ST3GAL3: variants seen among roughly 807,000 people sequenced by gnomAD.
The protein encoded by ST3GAL3 is ST3 beta-galactoside alpha-2,3-sialyltransferase 3.
In ST3GAL3, 21 loss-of-function variants were observed where a neutral mutation model predicts 50.1. That is an observed-to-expected ratio of 0.42 (90% confidence interval 0.30 to 0.60). ST3GAL3 has a LOEUF of 0.60. Ranked by LOEUF, ST3GAL3 falls within the 20% of genes least tolerant of loss-of-function variation. The pLI, the probability that ST3GAL3 is intolerant of heterozygous loss-of-function variation, is 0.19. For synonymous variants in ST3GAL3, 183 were observed against 190.0 expected, an observed-to-expected ratio of 0.96 and a Z score of 0.30; for missense variants, 353 against 489.4, an observed-to-expected ratio of 0.72 and a Z score of 2.63.
chr1:43,859,372 C>T (rs987093431), intron 5 of ST3GAL3, among the ~76,000 whole-genome samples: 3 of 151,986 alleles, frequency 2.0e-5, no homozygotes, highest in Admixed American at 1.3e-4. Flanking sequence ...CCAGCCTGAC[C>T]GACATGGAGA....
At position 43,711,081 on chromosome 1, in the gene ST3GAL3, G is replaced by C. The variant is rs181248663; in HGVS notation, c.-31+3388G>C. Among the ~76,000 whole-genome samples the C allele has an allele frequency of 3.9e-5, 6 of 152,306 alleles. No homozygotes were observed. In the East Asian group the frequency reaches 1.2e-3, roughly 29 times the overall value. ...ATCATTAAAATCTATAAATAAAGTT[G>C]TTTATGTGAGAGAATCCCTTACTGA... On this transcript the variant is annotated intron_variant, in intron 1 of 11. Coordinates refer to ENST00000347631, the MANE Select transcript of ST3GAL3 (RefSeq NM_006279.5).
intron 4 of ST3GAL3, chr1:43,819,341 C>T (rs2061795994): frequency 6.6e-6 from 1 of 152,174 alleles, no homozygotes; most frequent in Non-Finnish European, 1.5e-5. Context: ...GATCCACCCG[C>T]CTTGGCCTCC....
At chr1:43,860,887 A>G (rs1483616178) in intron 5 of ST3GAL3, among the ~76,000 whole-genome samples, 2 of 152,240 alleles carry the variant, frequency 1.3e-5, no homozygotes, top group Non-Finnish European at 2.9e-5. Flanking sequence ...GGAAGTAGAA[A>G]GCTTTTGAGC....
chr1:43,920,331 G>T, intron 9 of ST3GAL3, 73 bp from the exon 10 acceptor site: 1 of 1,600,758 alleles, frequency 6.2e-7, no homozygotes, highest in Non-Finnish European at 8.6e-7. Flanking sequence ...TCCCTACTTG[G>T]GGTCCCTGCC....
intron 5 of ST3GAL3, among the ~76,000 whole-genome samples, chr1:43,845,296 TTTATTA>T (rs1292056234): frequency 1.3e-5 from 2 of 151,976 alleles, no homozygotes; most frequent in Non-Finnish European, 2.9e-5. Context: ...GAAGTTTTTT[TTTATTA>T]TTATTATTAC....
chr1:43,733,935 C>G (rs1432698110), intron 1 of ST3GAL3, among the ~76,000 whole-genome samples: 1 of 152,140 alleles, frequency 6.6e-6, no homozygotes, highest in African/African-American at 2.4e-5. Flanking sequence ...TGGTGAAACC[C>G]CATCTCTATT....
Position 43,765,798 on chromosome 1 carries a change from C to T in ST3GAL3, c.119-26304C>T, listed in dbSNP as rs554815051. 1.7e-4 allele frequency among the ~76,000 whole-genome samples: 25 copies of T among 144,910 alleles called. No individual in the cohort carries two copies. The East Asian group carries it at 2.7e-3, about 16-fold the overall frequency. On this transcript the variant is annotated intron_variant, in intron 2 of 11. Coordinates refer to ENST00000347631, the MANE Select transcript of ST3GAL3 (RefSeq NM_006279.5). ...GTGTGTGTGTGTGCGCGCGCGCGCG[C>T]GCGTCCGCGCGTCCGCGTGCGCTTT... is the stretch of plus-strand genomic sequence containing the variant.
intron 5 of ST3GAL3, among the ~76,000 whole-genome samples, chr1:43,875,947 CTTCTTATTATTATTATTATTA>C (rs1313196610): frequency 5.8e-4 from 33 of 57,374 alleles, no homozygotes; most frequent in East Asian, 3.1e-3. Flanking sequence ...TCTTCTTCTT[CTTCTTATTATTATTATTATTA>C]TTATTATTAT....
chr1:43,928,248 G>C (rs1172096596), intron 11 of ST3GAL3, among the ~76,000 whole-genome samples: 1 of 152,166 alleles, frequency 6.6e-6, no homozygotes, highest in East Asian at 1.9e-4. Context: ...AAGTAGTTGG[G>C]ACTACAGGCA....
At chr1:43,726,111 T>G (rs1413596250) in intron 1 of ST3GAL3, among the ~76,000 whole-genome samples, 3 of 152,166 alleles carry the variant, frequency 2.0e-5, no homozygotes, top group Non-Finnish European at 2.9e-5. Flanking sequence ...ACTTTTCATT[T>G]TGAAATAACT....
rs144109930 is a variant in ST3GAL3 at position 43,925,027 on chromosome 1, T to C, written c.1038+4099T>C. 3.7e-3 allele frequency among the ~76,000 whole-genome samples: 568 copies of C among 152,270 alleles called. 6 individuals are homozygous for C. Among genetic ancestry groups the C allele is most frequent in the African/African-American group, 0.013 (541 of 41,562 alleles). On this transcript the variant is annotated intron_variant, in intron 11 of 11. Transcript: ENST00000347631. The stretch of plus-strand genomic sequence containing the variant: ...CTTCTTGGCCGGGCACAGTAGCTCA[T>C]GCCTGTAATCCCAGCACTTTGGGAA...
chr1:43,892,235 G>A (rs751675659), intron 5 of ST3GAL3, among the ~76,000 whole-genome samples: 2 of 152,060 alleles, frequency 1.3e-5, no homozygotes, highest in East Asian at 1.9e-4. Context: ...AAGCCACTGC[G>A]CCCAGCCTGA....
intron 11 of ST3GAL3, among the ~76,000 whole-genome samples, chr1:43,929,820 G>A (rs1571719495): frequency 6.6e-6 from 1 of 152,188 alleles, no homozygotes; most frequent in African/African-American, 2.4e-5. Context: ...GAAGTGGCTT[G>A]AAGTCTGTGG....
At chr1:43,815,030 A>G in intron 4 of ST3GAL3, 97 bp downstream of exon 4, 1 of 1,232,746 alleles carries the variant, frequency 8.1e-7, no homozygotes, top group Admixed American at 1.7e-5. Flanking sequence ...TCTTCTGGTG[A>G]CTGGGGGACT....
chr1:43,844,524 A>G (rs888385999), intron 5 of ST3GAL3, among the ~76,000 whole-genome samples: 2 of 152,154 alleles, frequency 1.3e-5, no homozygotes, highest in Non-Finnish European at 2.9e-5. Context: ...TAGACTAACT[A>G]TTGGTGGCCG....
chr1:43,728,834 T>A (rs1313728728), intron 1 of ST3GAL3, among the ~76,000 whole-genome samples: 1 of 152,190 alleles, frequency 6.6e-6, no homozygotes, highest in African/African-American at 2.4e-5. Context: ...AACACACATA[T>A]ATACACATAT....
rs568023915 is a variant in ST3GAL3 at position 43,811,489 on chromosome 1, C to T, written c.167-3402C>T. Among the ~76,000 whole-genome samples, 17 of 130,878 alleles carry T rather than the reference C, an allele frequency of 1.3e-4. No homozygotes were observed. In the South Asian group the frequency reaches 3.7e-3, roughly 28 times the overall value. The allele number at this position is 130,878 out of a possible 152,430, so 85.9% of individuals were successfully genotyped here. On this transcript the variant is annotated intron_variant, in intron 3 of 11. Transcript: ENST00000347631. ...TAATGCCCATGCCACTGCCTTGCTC[C>T]TCACTTCTGCAGCTCCTGGAAATCC...
At chr1:43,929,681 C>T (rs1418431718) in intron 11 of ST3GAL3, among the ~76,000 whole-genome samples, 4 of 152,172 alleles carry the variant, frequency 2.6e-5, no homozygotes, top group Admixed American at 6.5e-5. Flanking sequence ...GGATTTCATC[C>T]GCCGCCCCCA....
chr1:43,768,578 A>C (rs1693974177), intron 2 of ST3GAL3, among the ~76,000 whole-genome samples: 1 of 152,248 alleles, frequency 6.6e-6, no homozygotes, highest in Non-Finnish European at 1.5e-5. Flanking sequence ...ACCACACTAC[A>C]GGAGCTATAG....
Sources: allele counts gnomAD v4.1 joint callset (sites outside exome capture counted in the v4.1 genomes callset), GRCh38; gene constraint gnomAD v4.1.1; transcripts MANE v1.5; gene names NCBI Gene and HGNC (gene_info 2026-07-23, HGNC 2026-07-21).